Variants in PTPRM observed in about 807,000 individuals in gnomAD.
PTPRM encodes the protein protein tyrosine phosphatase receptor type M, also known as receptor-type tyrosine-protein phosphatase mu.
Under a neutral mutation model 186.7 loss-of-function variants are expected in PTPRM, and 47 were observed. That is an observed-to-expected ratio of 0.25 (90% CI 0.20 to 0.32). PTPRM has a LOEUF of 0.32. Ranked by LOEUF, PTPRM falls within the 10% of genes least tolerant of loss-of-function variation. The pLI is 1.00. For missense variants in PTPRM, 1,494 were observed against 1,865.0 expected (o/e 0.80, Z 3.66); for synonymous variants, 668 against 674.9 (o/e 0.99, Z 0.16).
chr18:7,998,277 C>T (rs1358035124), intron 7 of PTPRM, among the ~76,000 whole-genome samples: 1 of 151,826 alleles, frequency 6.6e-6, no homozygotes, highest in African/African-American at 2.4e-5. Context: ...ACAAGGCAGG[C>T]ACAGAATCAC....
intron 29 of PTPRM, among the ~76,000 whole-genome samples, chr18:8,383,095 C>G (rs951730288): frequency 4.0e-4 from 61 of 151,782 alleles, no homozygotes; most frequent in African/African-American, 1.4e-3. Flanking sequence ...GTCAAGAGAT[C>G]GAGACCATCC....
intron 2 of PTPRM, among the ~76,000 whole-genome samples, chr18:7,834,491 T>TACACACACACACACATAC: frequency 1.2e-5 from 1 of 84,608 alleles, no homozygotes; most frequent in East Asian, 3.2e-4. Context: ...TATACAAGTA[T>TACACACACACACACATAC]ACACACACAC....
intron 2 of PTPRM, among the ~76,000 whole-genome samples, chr18:7,805,558 G>C (rs1297885952): frequency 1.3e-5 from 2 of 152,156 alleles, no homozygotes; most frequent in African/African-American, 4.8e-5. Context: ...TTGACAGTAG[G>C]TTGAGAAGCA....
chr18:8,144,689 C>T (rs1028646003), intron 14 of PTPRM, among the ~76,000 whole-genome samples: 3 of 152,174 alleles, frequency 2.0e-5, no homozygotes, highest in Non-Finnish European at 4.4e-5. Context: ...ATAAGTGATC[C>T]TCACCTCCCA....
chr18:7,686,508 G>T (rs1443517372), intron 1 of PTPRM, among the ~76,000 whole-genome samples: 2 of 151,476 alleles, frequency 1.3e-5, no homozygotes, highest in African/African-American at 4.9e-5. Context: ...TAATATCAAT[G>T]AAATCCTTTG....
chr18:8,333,470 CTT>C (rs763277064), intron 22 of PTPRM, among the ~76,000 whole-genome samples: 7 of 152,174 alleles, frequency 4.6e-5, no homozygotes, highest in Admixed American at 1.3e-4. Flanking sequence ...AAATTATAGA[CTT>C]AAGTGTTATG....
intron 14 of PTPRM, among the ~76,000 whole-genome samples, chr18:8,168,686 A>G (rs1430473346): frequency 6.6e-6 from 1 of 152,256 alleles, no homozygotes; most frequent in African/African-American, 2.4e-5. Flanking sequence ...AACAATAGAT[A>G]ATCACAAATT....
At chr18:7,787,496 A>G (rs1831716112) in intron 2 of PTPRM, among the ~76,000 whole-genome samples, 1 of 152,230 alleles carries the variant, frequency 6.6e-6, no homozygotes, top group African/African-American at 2.4e-5. Context: ...ATTTTCAGGC[A>G]GAAGCTGCTA....
chr18:7,690,525 C>T (rs2144641567), intron 1 of PTPRM, among the ~76,000 whole-genome samples: 1 of 152,206 alleles, frequency 6.6e-6, no homozygotes, highest in African/African-American at 2.4e-5. Context: ...TTAAAAAGTG[C>T]TCAGGCCTAT....
At chr18:7,926,778 G>GT in intron 5 of PTPRM, 95 bp downstream of exon 5, 1 of 750,324 alleles carries the variant, frequency 1.3e-6, no homozygotes, top group Non-Finnish European at 2.0e-6. Flanking sequence ...TCAGGTCCTA[G>GT]TGTAAGAGTT....
intron 23 of PTPRM, among the ~76,000 whole-genome samples, chr18:8,363,909 C>G (rs2148409502): frequency 6.6e-6 from 1 of 152,276 alleles, no homozygotes; most frequent in East Asian, 1.9e-4. Context: ...CAGATGCGGC[C>G]TTGTGCTTAT....
intron 2 of PTPRM, among the ~76,000 whole-genome samples, chr18:7,860,784 A>G (rs1270496210): frequency 6.6e-6 from 1 of 152,204 alleles, no homozygotes; most frequent in East Asian, 1.9e-4. Context: ...CCATATTTGC[A>G]TGGGGATTGT....
chr18:7,653,204 T>TG (rs2038763621), intron 1 of PTPRM, among the ~76,000 whole-genome samples: 1 of 151,622 alleles, frequency 6.6e-6, no homozygotes. Context: ...GGGAGTGCAG[T>TG]GGCATGAACA....
intron 18 of PTPRM, among the ~76,000 whole-genome samples, chr18:8,252,719 A>G (rs1015969731): frequency 6.6e-6 from 1 of 152,238 alleles, no homozygotes; most frequent in African/African-American, 2.4e-5. Flanking sequence ...TCCCCAAACC[A>G]GGTTCCCTTT....
chr18:7,781,718 A>G (rs1311396092), intron 2 of PTPRM, among the ~76,000 whole-genome samples: 1 of 152,172 alleles, frequency 6.6e-6, no homozygotes, highest in Non-Finnish European at 1.5e-5. Context: ...CAGCATTTCC[A>G]TCTGACACAT....
intron 1 of PTPRM, among the ~76,000 whole-genome samples, chr18:7,683,629 G>A (rs2039530293): frequency 6.6e-6 from 1 of 152,180 alleles, no homozygotes; most frequent in Non-Finnish European, 1.5e-5. Flanking sequence ...AGAAATCCTG[G>A]TGTGAGAAGT....
intron 1 of PTPRM, among the ~76,000 whole-genome samples, chr18:7,710,970 T>C (rs2040199421): frequency 6.6e-6 from 1 of 152,160 alleles, no homozygotes; most frequent in Middle Eastern, 3.2e-3. Flanking sequence ...ATGACCATAC[T>C]GCCAAAAGCA....
At chr18:8,309,499 C>A (rs2095252076) in intron 20 of PTPRM, among the ~76,000 whole-genome samples, 1 of 151,924 alleles carries the variant, frequency 6.6e-6, no homozygotes, top group Non-Finnish European at 1.5e-5. Flanking sequence ...GAATATAAGA[C>A]ACAGCTCCTC....
At chr18:8,294,191 G>C (rs2095070285) in intron 19 of PTPRM, among the ~76,000 whole-genome samples, 1 of 152,188 alleles carries the variant, frequency 6.6e-6, no homozygotes, top group African/African-American at 2.4e-5. Flanking sequence ...GGCAGAGGTT[G>C]CAGTGAGCTG....
Sources: gnomAD v4.1 joint callset for allele counts (sites outside exome capture counted in the v4.1 genomes callset) on GRCh38, gnomAD v4.1.1 for gene constraint, MANE v1.5 for transcripts, NCBI Gene and HGNC (gene_info 2026-07-23, HGNC 2026-07-21) for gene names.